Variants in ITGAM observed in about 807,000 individuals in gnomAD.
ITGAM encodes the protein integrin alpha-M.
In ITGAM, 79 loss-of-function variants were observed where a neutral mutation model predicts 137.5. The observed-to-expected ratio is 0.57, with a 90% CI of 0.48 to 0.69. The LOEUF (loss-of-function observed/expected upper bound fraction) is 0.69. Ranked by LOEUF, ITGAM falls within the 30% of genes least tolerant of loss-of-function variation. The pLI is 0.00. For synonymous variants in ITGAM, 583 were observed against 592.3 expected (o/e 0.98, Z 0.23); for missense variants, 1,343 against 1,483.5 (o/e 0.91, Z 1.56).
intron 12 of ITGAM, among the ~76,000 whole-genome samples, chr16:31,291,681 C>T (rs376809459): frequency 2.8e-4 from 43 of 151,714 alleles, no homozygotes; most frequent in Middle Eastern, 3.2e-3. Flanking sequence ...TAAAACAACC[C>T]GGGCACAGAA....
At chr16:31,330,981 A>G (rs2080574463) in intron 28 of ITGAM, among the ~76,000 whole-genome samples, 184 bp from the exon 29 acceptor site, 1 of 150,842 alleles carries the variant, frequency 6.6e-6, no homozygotes, top group African/African-American at 2.4e-5. Context: ...ATAGAGAGAG[A>G]TAGAGGACAG....
chr16:31,282,533 A>G (rs887383681), intron 12 of ITGAM, among the ~76,000 whole-genome samples: 3 of 152,092 alleles, frequency 2.0e-5, no homozygotes, highest in Admixed American at 6.6e-5. Context: ...AGAGACTAGG[A>G]TTGCAACCCC....
At chr16:31,272,422 A>AGTATATAT (rs2079850545) in intron 7 of ITGAM, among the ~76,000 whole-genome samples, 9 of 48,976 alleles carry the variant, frequency 1.8e-4, no homozygotes, top group African/African-American at 5.9e-4. Flanking sequence ...AGGCCAATTA[A>AGTATATAT]CTATATATAT....
intron 1 of ITGAM, 126 bp from the exon 2 acceptor site, chr16:31,261,566 G>T: frequency 3.6e-6 from 2 of 560,582 alleles, no homozygotes; most frequent in East Asian, 3.0e-5. Flanking sequence ...TGCTCAGGCT[G>T]GAGTGCAGTG....
At chr16:31,311,353 C>T (rs1303579110) in intron 14 of ITGAM, among the ~76,000 whole-genome samples, 1 of 152,146 alleles carries the variant, frequency 6.6e-6, no homozygotes, top group Non-Finnish European at 1.5e-5. Context: ...AGGCAACCTA[C>T]TGAATGGGAG....
rs1051829907 is a variant in ITGAM at position 31,291,788 on chromosome 16, A to G, written c.1357-5726A>G. Among the ~76,000 whole-genome samples the G allele has an allele frequency of 5.3e-5, 8 of 152,138 alleles. No individual in the cohort carries two copies. The East Asian group carries it at 1.5e-3, about 29-fold the overall frequency. On this transcript the variant is annotated intron_variant, in intron 12 of 29. Transcript: ENST00000544665. ...GCATGATGGGTTACTAGAGACTGGGAAGGGTAGTAAGGAGGATGGGGTAAA... is the reference window on the plus strand; with the variant it reads ...GCATGATGGGTTACTAGAGACTGGGGAGGGTAGTAAGGAGGATGGGGTAAA...
Position 31,331,867 on chromosome 16 carries a change from G to A in ITGAM, c.*160G>A. 1.7e-6 allele frequency: 1 copy of A among 604,642 alleles called. No individual in the cohort carries two copies. Among genetic ancestry groups the A allele is most frequent in the South Asian group, 2.0e-5 (1 of 50,050 alleles). 37.5% of individuals were successfully genotyped at this position (604,642 alleles called of 1,614,324 possible). On this transcript the variant is annotated 3_prime_UTR_variant, in exon 30 of 30. Transcript: ENST00000544665. ...TGTGCAAGTGTGTATGTGCGTGTGT[G>A]CAAGTGTCTGTGTGCAAGTGTGTGC... is the stretch of plus-strand genomic sequence containing the variant.
At chr16:31,327,868 A>G (rs921667521) in intron 22 of ITGAM, among the ~76,000 whole-genome samples, 1 of 152,020 alleles carries the variant, frequency 6.6e-6, no homozygotes, top group African/African-American at 2.4e-5. Flanking sequence ...ACATAATCAT[A>G]TTTGCATGTT....
rs1322771226 is a variant in ITGAM, at chr16:31,331,908, C to T, written c.*201C>T. ...AAGTGTGTGCACATGTGTGCGTGTG[C>T]GTGCATGTGCACTTGCACGCCCATG... On this transcript the variant is annotated 3_prime_UTR_variant, in exon 30 of 30. Coordinates refer to ENST00000544665, the MANE Select transcript of ITGAM (RefSeq NM_000632.4). 8 of 563,342 alleles carry T rather than the reference C, an allele frequency of 1.4e-5. No homozygotes were observed. Among genetic ancestry groups the T allele is most frequent in the African/African-American group, 9.7e-5 (5 of 51,558 alleles). The allele number at this position is 563,342 out of a possible 1,614,324, so 34.9% of individuals were successfully genotyped here.
chr16:31,329,280 C>G lies in ITGAM; in HGVS notation c.2845C>G (p.Arg949Gly). The G allele has an allele frequency of 6.2e-7, 1 of 1,612,546 alleles. No individual in the cohort carries two copies. The highest frequency in any genetic ancestry group is 8.5e-7 in the Non-Finnish European group (1 of 1,178,864). The change falls in exon 24 of 30, where the codon CGG becomes GGG. Residue 949 changes from arginine to glycine, a missense_variant. By Grantham distance (125) the Arg-to-Gly change is moderately radical (BLOSUM62 -2). Transcript: ENST00000544665. ...CTTCACGGCCTCAGAGAATACCAGT[C>G]GGGTCATGCAGCATCAATATCAGGT... Reference protein sequence around the residue: ...LNFTASENTSRVMQHQYQVSN... With the variant: ...LNFTASENTSGVMQHQYQVSN...
At chr16:31,274,590 T>C (rs987518585) in intron 8 of ITGAM, among the ~76,000 whole-genome samples, 30 of 143,330 alleles carry the variant, frequency 2.1e-4, no homozygotes, top group Non-Finnish European at 3.9e-4. Flanking sequence ...GTAGTCTTTA[T>C]TTGTTTATTT....
chr16:31,260,498 A>G (rs1485156214), intron 1 of ITGAM, among the ~76,000 whole-genome samples: 7 of 152,174 alleles, frequency 4.6e-5, no homozygotes, highest in African/African-American at 1.7e-4. Flanking sequence ...ATGTTTGTTG[A>G]ATGACTGATG....
rs1567243962 is a variant in ITGAM at position 31,262,354 on chromosome 16, TC to T, written c.134+559del. ...TCCCTTCCATCCTTCCTTCCTTCCT[TC>T]CTTCCTTCCTTCCTTCCTTCCTTCC... is the stretch of plus-strand genomic sequence containing the variant. On this transcript the variant is annotated intron_variant, in intron 2 of 29. Coordinates refer to ENST00000544665, the MANE Select transcript of ITGAM (RefSeq NM_000632.4). 1.6e-4 allele frequency among the ~76,000 whole-genome samples: 18 copies of T among 113,480 alleles called. No individual in the cohort carries two copies. In the South Asian group the frequency reaches 4.4e-3, roughly 28 times the overall value. 74.4% of individuals were successfully genotyped at this position (113,480 alleles called of 152,430 possible). A position where few individuals can be genotyped will look rare whatever the true frequency, so the allele number is the denominator to read the frequency against.
intron 14 of ITGAM, among the ~76,000 whole-genome samples, chr16:31,314,573 T>C (rs933276106): frequency 1.3e-5 from 2 of 152,312 alleles, no homozygotes; most frequent in East Asian, 1.9e-4. Context: ...GCCTCTGTTC[T>C]GTTTCATTTG....
Position 31,330,229 on chromosome 16 carries a change from A to C in ITGAM, c.3060+65A>C. On this transcript the variant is annotated intron_variant, in intron 26 of 29. Transcript: ENST00000544665. The stretch of plus-strand genomic sequence containing the variant: ...AGAGCGCTTCCCTGCTGGAACCTGT[A>C]TGGTCTCTGAGCAAACGGGGAGGGG... 3.1e-6 allele frequency: 5 copies of C among 1,589,148 alleles called. No individual in the cohort carries two copies. In the South Asian group the frequency reaches 5.5e-5, roughly 18 times the overall value.
At chr16:31,314,365 T>G (rs2080368308) in intron 14 of ITGAM, among the ~76,000 whole-genome samples, 1 of 152,062 alleles carries the variant, frequency 6.6e-6, no homozygotes, top group African/African-American at 2.4e-5. Context: ...GGTTGTAAAT[T>G]TTACATTTAA....
chr16:31,301,378 G>A (rs2144395790), intron 14 of ITGAM, among the ~76,000 whole-genome samples: 1 of 152,230 alleles, frequency 6.6e-6, no homozygotes, highest in East Asian at 1.9e-4. Flanking sequence ...GGACCCATAT[G>A]GATGGGTTTA....
chr16:31,272,897 G>A (rs896121660), intron 7 of ITGAM, among the ~76,000 whole-genome samples: 23 of 151,952 alleles, frequency 1.5e-4, no homozygotes, highest in Non-Finnish European at 2.2e-4. Flanking sequence ...TCCAGGTCTC[G>A]GGGCAGTTGC....
chr16:31,273,491 A>G lies in ITGAM; in HGVS notation c.831A>G (p.Arg277=), dbSNP rs1200816142. Reference sequence around the variant, plus strand: ...AGGATGTCATCCCTGAGGCAGACAGAGAGGGAGTCATTCGCTACGTCATTG... The same window carrying G: ...AGGATGTCATCCCTGAGGCAGACAGGGAGGGAGTCATTCGCTACGTCATTG... The part of the protein sequence containing the change: ...GYEDVIPEAD[R]EGVIRYVIGV... The change falls in exon 8 of 30, where the codon AGA becomes AGG. Residue 277 remains arginine (R), a synonymous_variant. Transcript: ENST00000544665. The G allele has an allele frequency of 3.1e-6, 5 of 1,613,800 alleles. No individual in the cohort carries two copies. The highest frequency in any genetic ancestry group is 2.2e-5 in the South Asian group (2 of 91,072).
Sources: gnomAD v4.1 joint callset for allele counts (sites outside exome capture counted in the v4.1 genomes callset) on GRCh38, gnomAD v4.1.1 for gene constraint, MANE v1.5 for transcripts, NCBI Gene and HGNC (gene_info 2026-07-23, HGNC 2026-07-21) for gene names.